WNK2: variants seen among roughly 807,000 people sequenced by gnomAD.
The protein encoded by WNK2 is serine/threonine-protein kinase WNK2.
WNK2 carries 67 observed loss-of-function variants against 192.1 expected under a neutral mutation model. The observed-to-expected ratio is 0.35, with a 90% CI of 0.29 to 0.43. The LOEUF (loss-of-function observed/expected upper bound fraction) is 0.43. Ranked by LOEUF, WNK2 falls within the 20% of genes least tolerant of loss-of-function variation. WNK2 has a pLI of 1.00. For synonymous variants in WNK2, 1,439 were observed against 1,393.9 expected, an observed-to-expected ratio of 1.03 and a Z score of -0.72; for missense variants, 2,698 against 3,089.7, an observed-to-expected ratio of 0.87 and a Z score of 3.01.
chr9:93,280,381 C>T (rs182577756), intron 19 of WNK2, among the ~76,000 whole-genome samples: 4 of 152,250 alleles, frequency 2.6e-5, no homozygotes, highest in South Asian at 2.1e-4. Context: ...TTGGCGAGGC[C>T]ATGGAGGAGC....
At chr9:93,218,346 C>A (rs116837701) in intron 2 of WNK2, among the ~76,000 whole-genome samples, 102 of 152,266 alleles carry the variant, frequency 6.7e-4, no homozygotes, top group African/African-American at 2.3e-3. Context: ...GGTGTCCCTG[C>A]GGGAAGTGGC....
chr9:93,227,139 A>T (rs1402844568), intron 2 of WNK2, among the ~76,000 whole-genome samples: 1 of 146,106 alleles, frequency 6.8e-6, no homozygotes, highest in Non-Finnish European at 1.5e-5. Flanking sequence ...TTTTTGAGAC[A>T]GAGTCTCACT....
chr9:93,306,472 TTTC>T (rs1852564492), intron 26 of WNK2, among the ~76,000 whole-genome samples: 1 of 152,090 alleles, frequency 6.6e-6, no homozygotes, highest in Non-Finnish European at 1.5e-5. Flanking sequence ...TTTTTTCTTT[TTTC>T]TTTTCTTTTT....
At chr9:93,210,579 G>A (rs1834321443) in intron 2 of WNK2, among the ~76,000 whole-genome samples, 1 of 152,168 alleles carries the variant, frequency 6.6e-6, no homozygotes, top group African/African-American at 2.4e-5. Context: ...CTCTCACTCA[G>A]ATCTGTCCAC....
At chr9:93,188,489 CTGT>C (rs1346805227) in intron 2 of WNK2, among the ~76,000 whole-genome samples, 1 of 152,234 alleles carries the variant, frequency 6.6e-6, no homozygotes, top group Non-Finnish European at 1.5e-5. Context: ...GGAACCTGCA[CTGT>C]TTTTTGTGGG....
At chr9:93,285,874 G>A (rs775745708) in intron 19 of WNK2, among the ~76,000 whole-genome samples, 1 of 152,160 alleles carries the variant, frequency 6.6e-6, no homozygotes, top group African/African-American at 2.4e-5. Context: ...TCAGAAGCAG[G>A]CCCACATCTT....
At chr9:93,268,290 C>T (rs1374059962) in intron 18 of WNK2, among the ~76,000 whole-genome samples, 1 of 152,152 alleles carries the variant, frequency 6.6e-6, no homozygotes, top group East Asian at 1.9e-4. Flanking sequence ...CAAGCCTACG[C>T]GAGGGGTCCT....
rs745947958 is a variant in WNK2 at position 93,188,721 on chromosome 9, C to T, written c.681+3111C>T. Among the ~76,000 whole-genome samples, 12 of 152,188 alleles carry T rather than the reference C, an allele frequency of 7.9e-5. No homozygotes were observed. The South Asian group carries it at 8.3e-4, about 10-fold the overall frequency. Reference sequence around the variant, plus strand: ...CAGGGTGCGGGGTAGCCTGGGGCTCCGTGTCGGCTCTGGGAGCGTCTGCCA... The same window carrying T: ...CAGGGTGCGGGGTAGCCTGGGGCTCTGTGTCGGCTCTGGGAGCGTCTGCCA... On this transcript the variant is annotated intron_variant, in intron 2 of 29. Transcript: ENST00000427277.
At chr9:93,308,983 C>G (rs751487944) in intron 28 of WNK2, 114 of 1,031,068 alleles carry the variant, frequency 1.1e-4, no homozygotes, top group Non-Finnish European at 1.3e-4. Context: ...TGCATGTCAC[C>G]CAAGTGACAC....
intron 4 of WNK2, among the ~76,000 whole-genome samples, chr9:93,233,030 AAGAAAG>A (rs1309168400): frequency 8.6e-5 from 13 of 151,526 alleles, no homozygotes; most frequent in African/African-American, 3.2e-4. Context: ...AAAGAAAGAA[AAGAAAG>A]AGAAAGAAAA....
In WNK2 at chr9:93,298,052, G is replaced by A. The variant is rs760883114; in HGVS notation, c.5908G>A (p.Val1970Met). The A allele has an allele frequency of 5.6e-5, 87 of 1,550,314 alleles. No individual in the cohort carries two copies. Among genetic ancestry groups the A allele is most frequent in the South Asian group, 4.5e-4 (38 of 84,068 alleles). ...TCCCCTGGTGCGGCAGCTCAAGGTC[G>A]TGGCCTCCAGCACAGGTCGGCCTCC... ...LNPLVRQLKV[V>M]ASSTGHLADS... Residue 1970 changes from valine (V) to methionine (M), a missense_variant, in exon 24 of 30, where the codon GTG (valine) becomes ATG (methionine). By Grantham distance (21) the Val-to-Met change is conservative. Coordinates refer to ENST00000427277, the MANE Select transcript of WNK2 (RefSeq NM_006648.4).
At chr9:93,194,655 A>G (rs1830910095) in intron 2 of WNK2, among the ~76,000 whole-genome samples, 1 of 152,246 alleles carries the variant, frequency 6.6e-6, no homozygotes, top group Non-Finnish European at 1.5e-5. Flanking sequence ...GTAGTTTCTT[A>G]TAAAACTAAA....
rs148690198 is a variant in WNK2, at chr9:93,270,820, A to G, written c.4033+2074A>G. Among the ~76,000 whole-genome samples, 305 of 152,340 alleles carry G rather than the reference A, an allele frequency of 2.0e-3. 1 individual carries two copies. Among genetic ancestry groups the G allele is most frequent in the Non-Finnish European group, 3.7e-3 (254 of 68,028 alleles). ...GCAGGAGCCAAAACAGTGAGAGCAG[A>G]GAACCATTCTTTATTTGAGGAAGCC... On this transcript the variant is annotated intron_variant, in intron 19 of 29. Coordinates refer to ENST00000427277, the MANE Select transcript of WNK2 (RefSeq NM_006648.4).
intron 8 of WNK2, among the ~76,000 whole-genome samples, chr9:93,250,628 T>C (rs962335994): frequency 9.9e-4 from 151 of 152,314 alleles, no homozygotes; most frequent in African/African-American, 3.5e-3. Context: ...TTTCCCTTGT[T>C]GTGTTTTCTT....
intron 18 of WNK2, 21 bp downstream of exon 18, chr9:93,268,086 C>T (rs1845453447): frequency 7.5e-6 from 12 of 1,602,570 alleles, no homozygotes; most frequent in Admixed American, 1.7e-5. Flanking sequence ...AACTTCCCTC[C>T]CTGCTTTTAA....
At chr9:93,280,528 C>G (rs1394073209) in intron 19 of WNK2, among the ~76,000 whole-genome samples, 1 of 152,178 alleles carries the variant, frequency 6.6e-6, no homozygotes, top group Non-Finnish European at 1.5e-5. Flanking sequence ...TTAGTTAAAA[C>G]AGATGCCTAT....
intron 2 of WNK2, among the ~76,000 whole-genome samples, chr9:93,221,677 T>C (rs1836910233): frequency 6.6e-6 from 1 of 152,190 alleles, no homozygotes; most frequent in African/African-American, 2.4e-5. Flanking sequence ...AAGAAAATCC[T>C]TTGGTCCTTA....
chr9:93,228,026 G>A (rs1041985666), intron 2 of WNK2, among the ~76,000 whole-genome samples: 3 of 152,152 alleles, frequency 2.0e-5, no homozygotes, highest in Non-Finnish European at 4.4e-5. Flanking sequence ...TCAACTTATT[G>A]AATCTTTATG....
chr9:93,289,564 C>A lies in WNK2; in HGVS notation c.4810C>A (p.Leu1604Met). Residue 1604 changes from leucine (L) to methionine (M), a missense_variant, in exon 20 of 30, where the codon CTG (leucine) becomes ATG (methionine). This residue lies in a region of WNK2 where 1,098 missense variants were observed against 1,101.0 expected (regional missense o/e 1.00). Coordinates refer to ENST00000427277, the MANE Select transcript of WNK2 (RefSeq NM_006648.4). ...RSEVCGGDLA[L>M]PPVPKEAVSG... Reference sequence around the variant, plus strand: ...AGAGGTCTGCGGGGGGGACCTGGCCCTGCCCCCAGTGCCTAAGGAGGCGGT... The same window carrying A: ...AGAGGTCTGCGGGGGGGACCTGGCCATGCCCCCAGTGCCTAAGGAGGCGGT... The A allele has an allele frequency of 6.5e-7, 1 of 1,545,688 alleles. No homozygotes were observed. The highest frequency in any genetic ancestry group is 1.2e-5 in the South Asian group (1 of 82,868).
Sources: allele counts gnomAD v4.1 joint callset (sites outside exome capture counted in the v4.1 genomes callset), GRCh38; gene constraint gnomAD v4.1.1; regional missense constraint gnomAD v4.1.1; transcripts MANE v1.5; gene names NCBI Gene and HGNC (gene_info 2026-07-23, HGNC 2026-07-21).